HERC2: variants seen among roughly 807,000 people sequenced by gnomAD.
HERC2 encodes HECT and RLD domain containing E3 ubiquitin protein ligase 2.
A neutral mutation model predicts 537.7 loss-of-function variants in HERC2; 102 were observed. The ratio of observed to expected loss-of-function variants is 0.19; its 90% CI spans 0.16 to 0.22. The LOEUF (loss-of-function observed/expected upper bound fraction) is 0.22. Ranked by LOEUF, HERC2 falls within the 10% of genes least tolerant of loss-of-function variation. HERC2 has a pLI of 1.00. For synonymous variants in HERC2, 2,224 were observed against 2,466.2 expected (o/e 0.90, Z 2.91); for missense variants, 4,236 against 6,198.2 (o/e 0.68, Z 10.63).
chr15:28,312,901 C>G (rs2076984767), intron 2 of HERC2: 1 of 154,194 alleles, frequency 6.5e-6, no homozygotes, highest in Admixed American at 6.6e-5. Context: ...AGTAAAGGCA[C>G]TTTCATCGTC....
At chr15:28,246,199 T>G in intron 22 of HERC2, 133 bp from the exon 23 acceptor site, 2 of 619,956 alleles carry the variant, frequency 3.2e-6, no homozygotes, top group Non-Finnish European at 5.4e-6. Flanking sequence ...TCTAAAGAAT[T>G]ATCTTATATT....
chr15:28,200,399 A>T (rs1897788415), intron 48 of HERC2, among the ~76,000 whole-genome samples: 1 of 152,042 alleles, frequency 6.6e-6, no homozygotes, highest in Admixed American at 6.6e-5. Context: ...TGCCTCAAAA[A>T]ACAAACAAAA....
At chr15:28,303,940 C>T (rs552558669) in intron 2 of HERC2, among the ~76,000 whole-genome samples, 33 of 152,098 alleles carry the variant, frequency 2.2e-4, no homozygotes, top group African/African-American at 7.0e-4. Flanking sequence ...CCAAGGCAGG[C>T]GGATCACCTG....
At chr15:28,300,864 C>A (rs889063273) in intron 2 of HERC2, among the ~76,000 whole-genome samples, 237 of 116,576 alleles carry the variant, frequency 2.0e-3, no homozygotes, top group African/African-American at 6.6e-3. Context: ...TTAAGGTTTT[C>A]AGTGGAAAAG....
intron 2 of HERC2, chr15:28,319,972 T>A (rs1382866281): frequency 6.6e-6 from 1 of 152,198 alleles, no homozygotes; most frequent in East Asian, 1.9e-4. Flanking sequence ...CCACTTAAAA[T>A]GACAAAACAG....
intron 2 of HERC2, among the ~76,000 whole-genome samples, chr15:28,316,474 T>C (rs1442070173): frequency 6.6e-6 from 1 of 151,896 alleles, no homozygotes; most frequent in African/African-American, 2.4e-5. Flanking sequence ...ACCCTGCCTC[T>C]ACAAAAAAAA....
intron 41 of HERC2, 48 bp from the exon 42 acceptor site, chr15:28,214,020 C>T (rs1596249048): frequency 6.2e-7 from 1 of 1,609,928 alleles, no homozygotes; most frequent in Middle Eastern, 1.7e-4. Flanking sequence ...CACGGAGCTG[C>T]CCAATCCCTA....
At chr15:28,283,929 C>T (rs918703377) in intron 4 of HERC2, among the ~76,000 whole-genome samples, 2 of 152,040 alleles carry the variant, frequency 1.3e-5, no homozygotes, top group Non-Finnish European at 2.9e-5. Context: ...AGATTTGTAT[C>T]AGATTTAGGA....
intron 92 of HERC2, among the ~76,000 whole-genome samples, chr15:28,112,270 G>C (rs538449553): frequency 6.6e-6 from 1 of 152,170 alleles, no homozygotes; most frequent in Non-Finnish European, 1.5e-5. Context: ...CCCGGGAAGA[G>C]GGCCCGAGGA....
At chr15:28,291,684 G>C (rs1273386771) in intron 4 of HERC2, among the ~76,000 whole-genome samples, 2 of 151,908 alleles carry the variant, frequency 1.3e-5, no homozygotes, top group Admixed American at 1.3e-4. Context: ...ATAAAGGGAA[G>C]AGATTATGAA....
rs202194327 is a variant in HERC2, at chr15:28,198,517, T to C, written c.7886-14A>G. On this transcript the variant is annotated splice_polypyrimidine_tract_variant and intron_variant, in intron 49 of 92. Transcript: ENST00000261609. Reference sequence around the variant, plus strand: ...GTGGAGGATAGCCTACAGATGTCAATAACAAATCATTATAATCAATATTCA... The same window carrying C: ...GTGGAGGATAGCCTACAGATGTCAACAACAAATCATTATAATCAATATTCA... 7.1e-4 allele frequency: 1,146 copies of C among 1,612,602 alleles called. 4 individuals are homozygous for C. The highest frequency in any genetic ancestry group is 8.0e-4 in the Non-Finnish European group (943 of 1,179,724).
chr15:28,224,428 C>T (rs1024391766), intron 35 of HERC2, among the ~76,000 whole-genome samples: 3 of 152,100 alleles, frequency 2.0e-5, no homozygotes, highest in African/African-American at 7.2e-5. Context: ...CTCTATGTTG[C>T]CCAAGTTGGT....
Position 28,137,374 on chromosome 15 carries a change from CT to C in HERC2, c.12016-1683del, listed in dbSNP as rs1434778354. Among the ~76,000 whole-genome samples the C allele has an allele frequency of 3.3e-5, 5 of 152,174 alleles. No homozygotes were observed. In the South Asian group the frequency reaches 1.0e-3, roughly 32 times the overall value. ...TTGACTGTGCCTTGCTTTACTGTACCTCGCAGATACTGTTTTTTATAAACTG... is the reference window on the plus strand; with the variant it reads ...TTGACTGTGCCTTGCTTTACTGTACCCGCAGATACTGTTTTTTATAAACTG... On this transcript the variant is annotated intron_variant, in intron 78 of 92. Transcript: ENST00000261609.
intron 23 of HERC2, among the ~76,000 whole-genome samples, chr15:28,241,738 TG>T (rs1197852063): frequency 2.6e-5 from 4 of 152,106 alleles, no homozygotes; most frequent in Admixed American, 1.3e-4. Flanking sequence ...GGGAATTGCT[TG>T]AACCTGGGAG....
intron 38 of HERC2, among the ~76,000 whole-genome samples, chr15:28,216,748 G>C (rs1002969324): frequency 6.8e-6 from 1 of 147,636 alleles, no homozygotes; most frequent in African/African-American, 2.5e-5. Flanking sequence ...TCACACCACT[G>C]TCGCAATCAC....
chr15:28,193,792 A>C (rs1369346033), intron 52 of HERC2, among the ~76,000 whole-genome samples: 1 of 152,250 alleles, frequency 6.6e-6, no homozygotes, highest in Non-Finnish European at 1.5e-5. Context: ...CTATTTTTAA[A>C]GTGGTGAAAG....
intron 88 of HERC2, among the ~76,000 whole-genome samples, 156 bp downstream of exon 88, chr15:28,116,509 G>A (rs575336788): frequency 7.9e-5 from 12 of 152,206 alleles, no homozygotes; most frequent in African/African-American, 2.4e-4. Flanking sequence ...GAGCCACCGC[G>A]CCTCACCCTA....
At chr15:28,301,944 C>T (rs1596442867) in intron 2 of HERC2, among the ~76,000 whole-genome samples, 1 of 150,704 alleles carries the variant, frequency 6.6e-6, no homozygotes, top group East Asian at 2.0e-4. Flanking sequence ...GGACTACAGG[C>T]TCACACCACC....
chr15:28,272,800 G>A (rs796520382), intron 8 of HERC2, 94 bp downstream of exon 8: 13 of 779,354 alleles, frequency 1.7e-5, no homozygotes, highest in Middle Eastern at 3.8e-4. Context: ...CATCTGCTGC[G>A]GTCACAAACG....
Sources: gnomAD v4.1 joint callset for allele counts (sites outside exome capture counted in the v4.1 genomes callset) on GRCh38, gnomAD v4.1.1 for gene constraint, MANE v1.5 for transcripts, NCBI Gene and HGNC (gene_info 2026-07-23, HGNC 2026-07-21) for gene names.